CNTN4: variants seen among roughly 807,000 people sequenced by gnomAD.
CNTN4 encodes contactin 4, also known as contactin-4.
A neutral mutation model predicts 122.5 loss-of-function variants in CNTN4; 77 were observed. The observed-to-expected ratio is 0.63, with a 90% CI of 0.52 to 0.76. CNTN4 has a LOEUF of 0.76. Among genes scored for constraint, CNTN4 ranks in the 30% least tolerant of loss-of-function variants. CNTN4 has a pLI of 0.00. For missense variants in CNTN4, 1,256 were observed against 1,259.1 expected (o/e 1.00, Z 0.04); for synonymous variants, 512 against 447.0 (o/e 1.15, Z -1.83).
chr3:2,660,693 C>T (rs1383294855), intron 4 of CNTN4, among the ~76,000 whole-genome samples: 1 of 152,210 alleles, frequency 6.6e-6, no homozygotes, highest in Non-Finnish European at 1.5e-5. Flanking sequence ...TTTGTCTCCA[C>T]CAGAGGTGAT....
At position 2,715,085 on chromosome 3, in the gene CNTN4, A is replaced by G. The variant is rs528431386; in HGVS notation, c.56-21130A>G. Reference sequence around the variant, plus strand: ...TTGTTGATATCTCTTGTTTTTATCTATGGTAGAGCTTTCACTTCCCTTTTA... The same window carrying G: ...TTGTTGATATCTCTTGTTTTTATCTGTGGTAGAGCTTTCACTTCCCTTTTA... On this transcript the variant is annotated intron_variant, in intron 4 of 24. Transcript: ENST00000418658. 2.3e-4 allele frequency among the ~76,000 whole-genome samples: 35 copies of G among 152,224 alleles called. No individual in the cohort carries two copies. In the South Asian group the frequency reaches 6.4e-3, roughly 28 times the overall value.
At chr3:2,296,006 C>A (rs1401556737) in intron 2 of CNTN4, among the ~76,000 whole-genome samples, 6 of 152,238 alleles carry the variant, frequency 3.9e-5, no homozygotes, top group African/African-American at 1.2e-4. Flanking sequence ...AGCATTATTT[C>A]TGAGGGCTCT....
intron 2 of CNTN4, among the ~76,000 whole-genome samples, chr3:2,117,497 C>T (rs1037546734): frequency 1.3e-5 from 2 of 152,158 alleles, no homozygotes; most frequent in Non-Finnish European, 2.9e-5. Context: ...GGTGATCAAC[C>T]TCACCCTCAG....
chr3:2,724,274 T>G (rs2088058769), intron 4 of CNTN4, among the ~76,000 whole-genome samples: 1 of 152,180 alleles, frequency 6.6e-6, no homozygotes, highest in Admixed American at 6.5e-5. Flanking sequence ...CGACAAACTT[T>G]CAATTAAAAT....
intron 4 of CNTN4, among the ~76,000 whole-genome samples, chr3:2,593,496 G>A (rs955938105): frequency 2.0e-5 from 3 of 152,010 alleles, no homozygotes; most frequent in African/African-American, 4.8e-5. Context: ...TTGGATTTGT[G>A]GCCTCTGAAA....
intron 4 of CNTN4, among the ~76,000 whole-genome samples, chr3:2,627,095 T>A (rs995939075): frequency 3.3e-5 from 5 of 152,176 alleles, no homozygotes; most frequent in Admixed American, 6.5e-5. Flanking sequence ...ACCATCCTGG[T>A]TTGGCTGAAG....
At chr3:2,490,123 G>T (rs948740531) in intron 3 of CNTN4, among the ~76,000 whole-genome samples, 5 of 146,498 alleles carry the variant, frequency 3.4e-5, no homozygotes, top group Non-Finnish European at 7.5e-5. Context: ...ATAGACAAGA[G>T]AATTTTCAAG....
chr3:2,469,905 A>G (rs1485421518), intron 3 of CNTN4, among the ~76,000 whole-genome samples: 1 of 152,238 alleles, frequency 6.6e-6, no homozygotes, highest in Admixed American at 6.5e-5. Flanking sequence ...AGGAGGAGGC[A>G]CAAGACTGTA....
chr3:2,510,675 C>G (rs2076861189), intron 3 of CNTN4, among the ~76,000 whole-genome samples: 1 of 152,122 alleles, frequency 6.6e-6, no homozygotes, highest in South Asian at 2.1e-4. Context: ...GGTAGCATGT[C>G]TGGGCAAAAG....
chr3:3,048,244 CA>C (rs891936126), intron 23 of CNTN4, among the ~76,000 whole-genome samples: 2 of 151,660 alleles, frequency 1.3e-5, no homozygotes, highest in African/African-American at 4.8e-5. Context: ...AAAAAACACA[CA>C]AAAAAATACA....
intron 3 of CNTN4, among the ~76,000 whole-genome samples, chr3:2,462,116 T>G (rs1559574211): frequency 6.6e-6 from 1 of 152,150 alleles, no homozygotes; most frequent in Non-Finnish European, 1.5e-5. Flanking sequence ...AAATAATTAT[T>G]TGTCCTCAAG....
intron 7 of CNTN4, among the ~76,000 whole-genome samples, chr3:2,828,057 C>A (rs552804828): frequency 6.6e-6 from 1 of 152,080 alleles, no homozygotes; most frequent in South Asian, 2.1e-4. Flanking sequence ...CATATGGGAA[C>A]AAGGAAGGGC....
At chr3:2,223,774 A>G (rs887208779) in intron 2 of CNTN4, among the ~76,000 whole-genome samples, 1 of 152,194 alleles carries the variant, frequency 6.6e-6, no homozygotes, top group Non-Finnish European at 1.5e-5. Flanking sequence ...ATGGTAGTAT[A>G]AGGGAGGGAA....
At chr3:2,486,389 A>C (rs1191256936) in intron 3 of CNTN4, among the ~76,000 whole-genome samples, 1 of 152,188 alleles carries the variant, frequency 6.6e-6, no homozygotes, top group Non-Finnish European at 1.5e-5. Context: ...AGCTGAATCA[A>C]GAGGAACTTC....
At chr3:2,876,645 C>T (rs147199083) in intron 8 of CNTN4, among the ~76,000 whole-genome samples, 1 of 152,340 alleles carries the variant, frequency 6.6e-6, no homozygotes, top group Non-Finnish European at 1.5e-5. Context: ...CTTAAACAAG[C>T]ACGATGTGTT....
chr3:2,237,971 G>A (rs2039749099), intron 2 of CNTN4, among the ~76,000 whole-genome samples: 1 of 151,990 alleles, frequency 6.6e-6, no homozygotes, highest in Non-Finnish European at 1.5e-5. Context: ...AATAAAATCA[G>A]GTCCTCTGTA....
chr3:2,509,218 TA>T (rs1328970619), intron 3 of CNTN4, among the ~76,000 whole-genome samples: 1 of 152,240 alleles, frequency 6.6e-6, no homozygotes, highest in Middle Eastern at 3.2e-3. Context: ...AATTGCTATT[TA>T]ATTAACCTAT....
At position 3,040,341 on chromosome 3, in the gene CNTN4, G is replaced by T. The variant is rs4685596; in HGVS notation, c.2398+70G>T. ...AATTCTAAAATGTGGATTGTAGCAC[G>T]TACAATCAATTTCGCATGGTACATG... is the stretch of plus-strand genomic sequence containing the variant. On this transcript the variant is annotated intron_variant, in intron 20 of 24. Coordinates refer to ENST00000418658, the MANE Select transcript of CNTN4 (RefSeq NM_175607.3). 0.24 allele frequency: 283,912 copies of T among 1,159,798 alleles called. 35,995 individuals are homozygous for T. The highest frequency in any genetic ancestry group is 0.32 in the Middle Eastern group (1,548 of 4,826). 71.8% of individuals were successfully genotyped at this position (1,159,798 alleles called of 1,614,324 possible).
chr3:2,547,679 G>A (rs960902886), intron 3 of CNTN4, among the ~76,000 whole-genome samples: 2 of 152,058 alleles, frequency 1.3e-5, no homozygotes, highest in Admixed American at 6.6e-5. Flanking sequence ...ACACTTAATA[G>A]TCAAATGCCT....
Sources: allele counts gnomAD v4.1 joint callset (sites outside exome capture counted in the v4.1 genomes callset), GRCh38; gene constraint gnomAD v4.1.1; transcripts MANE v1.5; gene names NCBI Gene and HGNC (gene_info 2026-07-23, HGNC 2026-07-21).